Variants in TEX11 observed in about 807,000 individuals in gnomAD.
The protein encoded by TEX11 is testis expressed 11, also known as testis-expressed protein 11.
TEX11 carries 7 observed loss-of-function variants against 84.4 expected under a neutral mutation model. That is an observed-to-expected ratio of 0.08 (90% CI 0.05 to 0.16). TEX11 has a LOEUF of 0.16. Ranked by LOEUF, TEX11 falls within the 10% of genes least tolerant of loss-of-function variation. The pLI, the probability that TEX11 is intolerant of heterozygous loss-of-function variation, is 1.00. For synonymous variants in TEX11, 264 were observed against 222.8 expected, an observed-to-expected ratio of 1.18 and a Z score of -1.64; for missense variants, 551 against 660.5, an observed-to-expected ratio of 0.83 and a Z score of 1.82.
chrX:70,714,625 G>T (rs1188789625), intron 13 of TEX11, among the ~76,000 whole-genome samples: 1 of 111,120 alleles, frequency 9.0e-6, no homozygotes, highest in Non-Finnish European at 1.9e-5. Flanking sequence ...CCCTGCCTTT[G>T]TTTGTTTTCC....
the TEX11 span, among the ~76,000 whole-genome samples, chrX:70,513,173 G>A: frequency 9.3e-6 from 1 of 107,333 alleles, no homozygotes; most frequent in Non-Finnish European, 1.9e-5. Flanking sequence ...GGCCAACATG[G>A]AGAAACCCCG....
intron 13 of TEX11, among the ~76,000 whole-genome samples, chrX:70,691,153 AG>A (rs1388169377): frequency 8.9e-6 from 1 of 112,035 alleles, no homozygotes; most frequent in African/African-American, 3.2e-5. Context: ...ATTGTGAAAA[AG>A]TCAAAAGATA....
At chrX:70,750,933 A>AAATATATATATATATATATAT (rs1390175136) in intron 9 of TEX11, among the ~76,000 whole-genome samples, 14 of 28,190 alleles carry the variant, frequency 5.0e-4, no homozygotes, top group Non-Finnish European at 9.1e-4. Context: ...AAAAAAAAAA[A>AAATATATATATATATATATAT]ATATATATAT....
chrX:70,904,941 A>C, intron 2 of TEX11, among the ~76,000 whole-genome samples: 1 of 112,662 alleles, frequency 8.9e-6, no homozygotes, highest in African/African-American at 3.2e-5. Flanking sequence ...GAAAATATAA[A>C]ATTTTTTGTT....
At chrX:70,855,003 G>A (rs988319638) in intron 5 of TEX11, among the ~76,000 whole-genome samples, 6 of 109,524 alleles carry the variant, frequency 5.5e-5, no homozygotes, top group Non-Finnish European at 7.6e-5. Flanking sequence ...AGCCAAGATC[G>A]CGCCATTGCA....
At chrX:70,802,771 G>A (rs2091196719) in intron 9 of TEX11, among the ~76,000 whole-genome samples, 3 of 111,892 alleles carry the variant, frequency 2.7e-5, no homozygotes, top group South Asian at 3.7e-4. Context: ...AAAAATCTGC[G>A]AAGTCTTTCT....
intron 25 of TEX11, among the ~76,000 whole-genome samples, chrX:70,562,640 A>G (rs1432864557): frequency 2.7e-5 from 3 of 112,114 alleles, no homozygotes; most frequent in Non-Finnish European, 5.6e-5. Flanking sequence ...TCTGAATTCC[A>G]TCTGGGATTC....
At chrX:70,897,679 A>AAAAAGAAAG (rs1387220767) in intron 2 of TEX11, 15 of 75,732 alleles carry the variant, frequency 2.0e-4, no homozygotes, top group Admixed American at 6.7e-4. Context: ...CAAAGAAAGA[A>AAAAAGAAAG]AAAGAAAGAA....
intron 20 of TEX11, among the ~76,000 whole-genome samples, chrX:70,614,815 TGAGA>T (rs1187667012): frequency 9.2e-6 from 1 of 108,497 alleles, no homozygotes; most frequent in South Asian, 4.0e-4. Flanking sequence ...CAGGAGAGAG[TGAGA>T]GAGAGAGACA....
intron 17 of TEX11, among the ~76,000 whole-genome samples, chrX:70,644,041 C>A (rs1429130217): frequency 1.9e-5 from 2 of 103,386 alleles, no homozygotes; most frequent in Non-Finnish European, 4.0e-5. Flanking sequence ...GGGCTAATAT[C>A]CAGAATCTAC....
At chrX:70,830,676 G>A (rs2091372395) in intron 8 of TEX11, among the ~76,000 whole-genome samples, 2 of 111,293 alleles carry the variant, frequency 1.8e-5, no homozygotes, top group African/African-American at 6.5e-5. Context: ...TTTATCTAAG[G>A]AAGACATACA....
intron 16 of TEX11, among the ~76,000 whole-genome samples, chrX:70,658,420 A>C (rs773285780): frequency 1.2e-4 from 13 of 111,953 alleles, no homozygotes; most frequent in South Asian, 3.8e-4. Flanking sequence ...CAGTCTCAAA[A>C]AAACAAACAA....
At chrX:70,846,688 C>T (rs2091480884) in intron 7 of TEX11, among the ~76,000 whole-genome samples, 1 of 111,781 alleles carries the variant, frequency 8.9e-6, no homozygotes, top group Admixed American at 9.5e-5. Flanking sequence ...GTTTGGGAGG[C>T]CAAGGTGGGT....
intron 28 of TEX11, among the ~76,000 whole-genome samples, chrX:70,545,127 C>G (rs1357809870): frequency 9.1e-6 from 1 of 110,213 alleles, no homozygotes; most frequent in Non-Finnish European, 1.9e-5. Context: ...ACTGCTTGAA[C>G]CCGGGAGGCA....
Position 70,808,346 on chromosome X carries a change from T to C in TEX11, c.607-1556A>G, listed in dbSNP as rs775741127. Among the ~76,000 whole-genome samples the C allele has an allele frequency of 6.6e-5, 7 of 106,037 alleles. No individual in the cohort carries two copies. In the South Asian group the frequency reaches 3.0e-3, roughly 45 times the overall value. The allele number at this position is 106,037 out of a possible 115,157, so 92.1% of individuals were successfully genotyped here. A position where few individuals can be genotyped will look rare whatever the true frequency, so the allele number is the denominator to read the frequency against. On this transcript the variant is annotated intron_variant, in intron 8 of 29. Coordinates refer to ENST00000374333, the MANE Select transcript of TEX11 (RefSeq NM_031276.3). ...GGTGAAACTCTGTCTCTACTAAAAATAGAAAAATTAGTTGGGCGTGGTGGT... is the reference window on the plus strand; with the variant it reads ...GGTGAAACTCTGTCTCTACTAAAAACAGAAAAATTAGTTGGGCGTGGTGGT...
chrX:70,708,275 T>C (rs916751181), intron 13 of TEX11, among the ~76,000 whole-genome samples: 1 of 111,285 alleles, frequency 9.0e-6, no homozygotes, highest in African/African-American at 3.3e-5. Flanking sequence ...TCAGAATGGC[T>C]ATTATTAAAA....
At chrX:70,850,641 C>T (rs2091503136) in intron 7 of TEX11, among the ~76,000 whole-genome samples, 1 of 109,995 alleles carries the variant, frequency 9.1e-6, no homozygotes, top group South Asian at 4.0e-4. Context: ...CATAGTCTTA[C>T]CTACTCGGGA....
At chrX:70,564,836 C>A (rs1200234729) in intron 25 of TEX11, among the ~76,000 whole-genome samples, 1 of 110,296 alleles carries the variant, frequency 9.1e-6, no homozygotes, top group Non-Finnish European at 1.9e-5. Flanking sequence ...CCAGGTCTTT[C>A]CTATTGTGAA....
At chrX:70,818,650 A>G (rs1321206820) in intron 8 of TEX11, among the ~76,000 whole-genome samples, 5 of 110,510 alleles carry the variant, frequency 4.5e-5, no homozygotes, top group Middle Eastern at 4.6e-3. Flanking sequence ...CCCCAAGGTG[A>G]TCTCAAGCAT....
Sources: allele counts gnomAD v4.1 joint callset (sites outside exome capture counted in the v4.1 genomes callset), GRCh38; gene constraint gnomAD v4.1.1; transcripts MANE v1.5; gene names NCBI Gene and HGNC (gene_info 2026-07-23, HGNC 2026-07-21).